Variants in CAVIN2 observed in about 807,000 individuals in gnomAD.
CAVIN2 encodes caveolae associated protein 2.
Under a neutral mutation model 11.7 loss-of-function variants are expected in CAVIN2, and 13 were observed. That is an observed-to-expected ratio of 1.11 (90% CI 0.72 to 1.77). CAVIN2 has a LOEUF of 1.77. CAVIN2 is among the 40% of genes most tolerant of loss of function. The pLI is 0.00. For missense variants in CAVIN2, 549 were observed against 542.9 expected (o/e 1.01, Z -0.11); for synonymous variants, 237 against 223.2 (o/e 1.06, Z -0.55).
chr2:191,835,624 CTG>C lies in CAVIN2; in HGVS notation c.*297_*298del, dbSNP rs1299372131. ...TCATGACTAGTATCTTAATTATCCT[CTG>C]TTTTTTTCTGACTAAGTCAAAGAGA... On this transcript the variant is annotated 3_prime_UTR_variant, in exon 2 of 2. Coordinates refer to ENST00000304141, the MANE Select transcript of CAVIN2 (RefSeq NM_004657.6). 1.1e-5 allele frequency: 4 copies of C among 350,892 alleles called. No individual in the cohort carries two copies. Among genetic ancestry groups the C allele is most frequent in the Non-Finnish European group, 2.1e-5 (4 of 193,162 alleles). The allele number at this position is 350,892 out of a possible 1,614,324, so 21.7% of individuals were successfully genotyped here.
chr2:191,846,392 G>T, intron 1 of CAVIN2, 51 bp downstream of exon 1: 1 of 1,536,472 alleles, frequency 6.5e-7, no homozygotes, highest in East Asian at 2.3e-5. Context: ...GCGAGATCAA[G>T]AATGATAAGG....
intron 1 of CAVIN2, among the ~76,000 whole-genome samples, chr2:191,840,296 G>A (rs1306690468): frequency 1.3e-5 from 2 of 152,124 alleles, no homozygotes; most frequent in Admixed American, 6.5e-5. Flanking sequence ...CTTAGGGTTC[G>A]TAGCTCCTGA....
intron 1 of CAVIN2, among the ~76,000 whole-genome samples, chr2:191,843,066 C>G (rs551219583): frequency 6.6e-6 from 1 of 152,264 alleles, no homozygotes; most frequent in East Asian, 1.9e-4. Context: ...GGCCTGTAAT[C>G]CCAGCTACTT....
intron 1 of CAVIN2, among the ~76,000 whole-genome samples, chr2:191,845,863 A>AC (rs1328188249): frequency 2.0e-5 from 3 of 152,176 alleles, no homozygotes; most frequent in African/African-American, 7.2e-5. Flanking sequence ...AAAGAACTCC[A>AC]CAAGATTGCT....
intron 1 of CAVIN2, among the ~76,000 whole-genome samples, chr2:191,840,162 T>C (rs35950747): frequency 0.13 from 20,210 of 152,240 alleles, 1,650 homozygotes; most frequent in East Asian, 0.3. Flanking sequence ...CAGCCTCCTG[T>C]TGTAGTGTTT....
At position 191,846,428 on chromosome 2, in the gene CAVIN2, A is replaced by G. The variant is rs1690166041; in HGVS notation, c.483+15T>C. On this transcript the variant is annotated intron_variant, in intron 1 of 1. Coordinates refer to ENST00000304141, the MANE Select transcript of CAVIN2 (RefSeq NM_004657.6). ...AGTTCCAGCCCGCCTGTAAGGAGGC[A>G]TAGGGGGAACTGACCTGGAAGATGA... 6.2e-7 allele frequency: 1 copy of G among 1,602,692 alleles called. No individual in the cohort carries two copies. Among genetic ancestry groups the G allele is most frequent in the Non-Finnish European group, 8.5e-7 (1 of 1,173,624 alleles).
At chr2:191,843,988 C>G (rs565249935) in intron 1 of CAVIN2, among the ~76,000 whole-genome samples, 1 of 152,146 alleles carries the variant, frequency 6.6e-6, no homozygotes, top group Non-Finnish European at 1.5e-5. Context: ...AAGCCATAAA[C>G]GTTTTCGAAT....
chr2:191,846,065 G>T (rs745477781), intron 1 of CAVIN2, among the ~76,000 whole-genome samples: 2 of 152,168 alleles, frequency 1.3e-5, no homozygotes, highest in Non-Finnish European at 2.9e-5. Context: ...GAATTAATTT[G>T]CCCTGTCCAG....
At chr2:191,838,689 T>C (rs1248763737) in intron 1 of CAVIN2, among the ~76,000 whole-genome samples, 5 of 152,234 alleles carry the variant, frequency 3.3e-5, no homozygotes, top group South Asian at 2.1e-4. Context: ...TGCGGTTGCC[T>C]CTAGTTCCCC....
chr2:191,843,557 G>A (rs141094382), intron 1 of CAVIN2, among the ~76,000 whole-genome samples: 2 of 152,316 alleles, frequency 1.3e-5, no homozygotes, highest in African/African-American at 4.8e-5. Flanking sequence ...TGACTGGAGG[G>A]TTCGTTGAGT....
intron 1 of CAVIN2, among the ~76,000 whole-genome samples, chr2:191,841,502 A>C (rs1690092744): frequency 6.6e-6 from 1 of 152,198 alleles, no homozygotes; most frequent in Admixed American, 6.5e-5. Flanking sequence ...CACAAAACGA[A>C]GTTAAACTGA....
chr2:191,836,005 T>A lies in CAVIN2; in HGVS notation c.1196A>T (p.Tyr399Phe). The A allele has an allele frequency of 1.2e-6, 2 of 1,614,236 alleles. No homozygotes were observed. Residue 399 changes from tyrosine to phenylalanine, a missense_variant, in exon 2 of 2, where the codon TAC becomes TTC. Physicochemically the swap from Tyr to Phe is conservative, Grantham distance 22. Transcript: ENST00000304141. Reference protein sequence around the residue: ...QAQKVRYEGSYALTSEEAERS... With the variant: ...QAQKVRYEGSFALTSEEAERS... ...CTCCGCCTCCTCGGATGTTAGCGCG[T>A]AGCTACCCTCATAGCGTACCTTCTG...
Position 191,835,298 on chromosome 2 carries a change from C to T in CAVIN2, c.*625G>A, listed in dbSNP as rs1439123660. 6.6e-6 allele frequency: 1 copy of T among 151,872 alleles called. No individual in the cohort carries two copies. The highest frequency in any genetic ancestry group is 1.9e-4 in the East Asian group (1 of 5,182). 9.4% of individuals were successfully genotyped at this position (151,872 alleles called of 1,614,324 possible). ...TTTCTTTCTTACTTTTTGAATAGTC[C>T]TGACTTTACTACGTATCTTACTTCA... On this transcript the variant is annotated 3_prime_UTR_variant, in exon 2 of 2. Coordinates refer to ENST00000304141, the MANE Select transcript of CAVIN2 (RefSeq NM_004657.6).
At chr2:191,843,346 G>T (rs916647087) in intron 1 of CAVIN2, among the ~76,000 whole-genome samples, 1 of 151,988 alleles carries the variant, frequency 6.6e-6, no homozygotes, top group Non-Finnish European at 1.5e-5. Context: ...TTCCTTTCTC[G>T]CTCTCTTATT....
At position 191,846,761 on chromosome 2, in the gene CAVIN2, TGCGTTCA is replaced by T. The variant is rs1690174804; in HGVS notation, c.158_164del (p.Val53GlufsTer12). The T allele has an allele frequency of 3.7e-6, 6 of 1,614,112 alleles. No individual in the cohort carries two copies. Among genetic ancestry groups the T allele is most frequent in the Non-Finnish European group, 5.1e-6 (6 of 1,180,050 alleles). The stretch of plus-strand genomic sequence containing the variant: ...TGTCCAGGAGCGTGAGCACCGTGAC[TGCGTTCA>T]CCTGTGAGTTGTCCCGGATGGCCTC... On this transcript the variant is annotated frameshift_variant, in exon 1 of 2. Transcript: ENST00000304141. LOFTEE classifies it high-confidence loss of function.
At position 191,835,892 on chromosome 2, in the gene CAVIN2, C is replaced by A. The variant is rs1295176258; in HGVS notation, c.*31G>T. Reference sequence around the variant, plus strand: ...CTTCAGCCCTGGCTGCCCGCTTGAGCACAGCACAGGATGGCACGGTGGCTC... The same window carrying A: ...CTTCAGCCCTGGCTGCCCGCTTGAGAACAGCACAGGATGGCACGGTGGCTC... On this transcript the variant is annotated 3_prime_UTR_variant, in exon 2 of 2. Transcript: ENST00000304141. 6.3e-7 allele frequency: 1 copy of A among 1,584,064 alleles called. No individual in the cohort carries two copies. Among genetic ancestry groups the A allele is most frequent in the Non-Finnish European group, 8.6e-7 (1 of 1,166,590 alleles).
rs948058341 is a variant in CAVIN2 at position 191,836,424 on chromosome 2, C to T, written c.777G>A (p.Gly259=). Residue 259 remains glycine (G), a synonymous_variant, in exon 2 of 2, where the codon GGG becomes GGA. Coordinates refer to ENST00000304141, the MANE Select transcript of CAVIN2 (RefSeq NM_004657.6). ...TCCTCTCTACAGATACGATCTTTGT[C>T]CCCAGCTTGTTCATCTTTTTCTCGA... ...QNIEKKMNKL[G]TKIVSVERRE... 5 of 1,614,034 alleles carry T rather than the reference C, an allele frequency of 3.1e-6. No individual in the cohort carries two copies. Among genetic ancestry groups the T allele is most frequent in the South Asian group, 1.1e-5 (1 of 91,084 alleles).
At chr2:191,839,533 A>G (rs966284534) in intron 1 of CAVIN2, among the ~76,000 whole-genome samples, 1 of 152,228 alleles carries the variant, frequency 6.6e-6, no homozygotes, top group Non-Finnish European at 1.5e-5. Context: ...CACTGTGTAT[A>G]TGAATGGGTA....
chr2:191,846,774 G>C lies in CAVIN2; in HGVS notation c.152C>G (p.Ser51Ter), dbSNP rs761353873. 1.4e-5 allele frequency: 22 copies of C among 1,614,074 alleles called. No individual in the cohort carries two copies. Among genetic ancestry groups the C allele is most frequent in the Non-Finnish European group, 1.6e-5 (19 of 1,180,042 alleles). Reference sequence around the variant, plus strand: ...GAGCACCGTGACTGCGTTCACCTGTGAGTTGTCCCGGATGGCCTCCTCTGT... The same window carrying C: ...GAGCACCGTGACTGCGTTCACCTGTCAGTTGTCCCGGATGGCCTCCTCTGT... ...GNTEEAIRDN[S>*]QVNAVTVLTL... The change falls in exon 1 of 2, where the codon TCA (serine) becomes TGA (stop). Residue 51 changes from serine to a stop codon, truncating the protein, a stop_gained. Coordinates refer to ENST00000304141, the MANE Select transcript of CAVIN2 (RefSeq NM_004657.6). LOFTEE classifies it high-confidence loss of function.
Sources: allele counts gnomAD v4.1 joint callset (sites outside exome capture counted in the v4.1 genomes callset), GRCh38; gene constraint gnomAD v4.1.1; transcripts MANE v1.5; gene names NCBI Gene and HGNC (gene_info 2026-07-23, HGNC 2026-07-21).